ATP9B: variants seen among roughly 807,000 people sequenced by gnomAD.
ATP9B encodes ATPase phospholipid transporting 9B.
Under a neutral mutation model 146.1 loss-of-function variants are expected in ATP9B, and 110 were observed. That is an observed-to-expected ratio of 0.75 (90% CI 0.65 to 0.88). ATP9B has a LOEUF of 0.88. Among genes scored for constraint, ATP9B ranks in the 40% least tolerant of loss-of-function variants. The probability of loss-of-function intolerance (pLI) is 0.00; values close to 1 mark genes in which losing one functional copy is unlikely to be tolerated. For missense variants in ATP9B, 1,499 were observed against 1,496.4 expected, an observed-to-expected ratio of 1.00 and a Z score of -0.03; for synonymous variants, 604 against 569.7, an observed-to-expected ratio of 1.06 and a Z score of -0.86.
At chr18:79,325,868 G>T (rs943564624) in intron 15 of ATP9B, among the ~76,000 whole-genome samples, 3 of 150,906 alleles carry the variant, frequency 2.0e-5, no homozygotes, top group African/African-American at 7.3e-5. Context: ...TGGTGTTAGG[G>T]TGTCATCTCT....
chr18:79,313,020 C>G (rs1026818755), intron 15 of ATP9B, among the ~76,000 whole-genome samples: 1 of 152,176 alleles, frequency 6.6e-6, no homozygotes, highest in African/African-American at 2.4e-5. Flanking sequence ...CTTCCCACTC[C>G]CTGTCAGCGC....
At chr18:79,231,778 G>GTATATATATATATATATATA (rs781387419) in intron 11 of ATP9B, among the ~76,000 whole-genome samples, 1 of 121,296 alleles carries the variant, frequency 8.2e-6, no homozygotes, top group African/African-American at 3.3e-5. Context: ...GTGTGTGTGT[G>GTATATATATATATATATATA]TATATATATA....
intron 3 of ATP9B, among the ~76,000 whole-genome samples, chr18:79,112,891 C>A (rs895212416): frequency 3.9e-5 from 6 of 151,996 alleles, no homozygotes; most frequent in African/African-American, 1.2e-4. Context: ...GTTTTGCTAT[C>A]TAACTTTTTT....
At chr18:79,099,013 A>G (rs2075047815) in intron 2 of ATP9B, among the ~76,000 whole-genome samples, 2 of 152,002 alleles carry the variant, frequency 1.3e-5, no homozygotes, top group East Asian at 3.9e-4. Flanking sequence ...AGGGTGTTTG[A>G]TTCCTGTTTG....
intron 1 of ATP9B, among the ~76,000 whole-genome samples, chr18:79,089,501 C>A (rs1177001386): frequency 6.6e-6 from 1 of 152,120 alleles, no homozygotes; most frequent in African/African-American, 2.4e-5. Flanking sequence ...GTTGGCCAGT[C>A]TTTTTAGGCC....
At chr18:79,312,203 C>T (rs1394196144) in intron 15 of ATP9B, among the ~76,000 whole-genome samples, 3 of 152,228 alleles carry the variant, frequency 2.0e-5, no homozygotes, top group African/African-American at 7.2e-5. Flanking sequence ...CTTCCGGCCA[C>T]ATCAGTAATT....
Position 79,242,346 on chromosome 18 carries a change from C to T in ATP9B, c.1108-11035C>T, listed in dbSNP as rs191052183. On this transcript the variant is annotated intron_variant, in intron 11 of 29. Transcript: ENST00000426216. Reference sequence around the variant, plus strand: ...TAATTTAGAGAACAAGAAGAATATCCTGATTTGAAGTCTAAACTGTCCCCC... The same window carrying T: ...TAATTTAGAGAACAAGAAGAATATCTTGATTTGAAGTCTAAACTGTCCCCC... Among the ~76,000 whole-genome samples the T allele has an allele frequency of 6.6e-5, 10 of 152,206 alleles. No individual in the cohort carries two copies. In the East Asian group the frequency reaches 1.7e-3, roughly 26 times the overall value.
At chr18:79,071,501 C>T (rs1180577318) in intron 1 of ATP9B, among the ~76,000 whole-genome samples, 1 of 145,336 alleles carries the variant, frequency 6.9e-6, no homozygotes, top group African/African-American at 2.5e-5. Flanking sequence ...CCCAGGCAAT[C>T]CACCCATGTA....
intron 15 of ATP9B, among the ~76,000 whole-genome samples, chr18:79,309,812 G>A (rs2096642822): frequency 6.6e-6 from 1 of 152,180 alleles, no homozygotes; most frequent in South Asian, 2.1e-4. Context: ...GTAAATGGGT[G>A]AATAGTGTCT....
At chr18:79,103,481 A>G (rs1269437270) in intron 2 of ATP9B, among the ~76,000 whole-genome samples, 1 of 152,106 alleles carries the variant, frequency 6.6e-6, no homozygotes, top group Non-Finnish European at 1.5e-5. Context: ...ACCTCTGTGA[A>G]GAATAAGGAG....
chr18:79,180,148 T>C (rs752848989), intron 8 of ATP9B, among the ~76,000 whole-genome samples: 6 of 152,240 alleles, frequency 3.9e-5, no homozygotes, highest in Non-Finnish European at 7.3e-5. Context: ...TCTTTTTCTT[T>C]GAATTTAAAG....
At chr18:79,186,969 A>G (rs928075790) in intron 8 of ATP9B, among the ~76,000 whole-genome samples, 1 of 152,178 alleles carries the variant, frequency 6.6e-6, no homozygotes, top group Non-Finnish European at 1.5e-5. Context: ...AGGTGTCCTC[A>G]TGGGTCTGAG....
intron 12 of ATP9B, among the ~76,000 whole-genome samples, chr18:79,276,300 G>A (rs2096308309): frequency 6.6e-6 from 1 of 152,246 alleles, no homozygotes; most frequent in African/African-American, 2.4e-5. Context: ...GCAAGGTTCT[G>A]CAGAATTGTC....
rs772534638 is a variant in ATP9B, at chr18:79,330,123, C to T, written c.2028+19C>T. On this transcript the variant is annotated intron_variant, in intron 17 of 29. Coordinates refer to ENST00000426216, the MANE Select transcript of ATP9B (RefSeq NM_198531.5). ...AGAGGAGGTATGTGAGTGACTCTAG[C>T]GTGGTTCACAGTGTTTCTATGGAAG... is the stretch of plus-strand genomic sequence containing the variant. 31 of 1,605,982 alleles carry T rather than the reference C, an allele frequency of 1.9e-5. No homozygotes were observed. Among genetic ancestry groups the T allele is most frequent in the Middle Eastern group, 1.6e-4 (1 of 6,064 alleles).
chr18:79,169,523 G>A (rs780106543), intron 7 of ATP9B, among the ~76,000 whole-genome samples: 25 of 152,192 alleles, frequency 1.6e-4, no homozygotes, highest in Admixed American at 4.6e-4. Context: ...TTCCCACGGA[G>A]TGTTTTTGGA....
chr18:79,354,230 A>G (rs909695991), intron 25 of ATP9B: 1 of 152,120 alleles, frequency 6.6e-6, no homozygotes, highest in Admixed American at 6.5e-5. Context: ...CCAACTTGAG[A>G]TAACTATGAG....
chr18:79,295,850 G>C (rs1046756948), intron 13 of ATP9B, among the ~76,000 whole-genome samples: 2 of 152,190 alleles, frequency 1.3e-5, no homozygotes. Context: ...CTGCAAGAAG[G>C]CTCCACTATG....
At chr18:79,327,982 C>G (rs503131) in intron 15 of ATP9B, among the ~76,000 whole-genome samples, 1,882 of 9,094 alleles carry the variant, frequency 0.21, 3 homozygotes, top group Middle Eastern at 0.36. Flanking sequence ...CGTGCTCTCT[C>G]TGGTTAGCGT....
chr18:79,135,064 C>G (rs1025707106), intron 5 of ATP9B, among the ~76,000 whole-genome samples: 1 of 152,022 alleles, frequency 6.6e-6, no homozygotes, highest in African/African-American at 2.4e-5. Context: ...GTTTTGAAAC[C>G]ATGTTTAAAG....
Sources: allele counts gnomAD v4.1 joint callset (sites outside exome capture counted in the v4.1 genomes callset), GRCh38; gene constraint gnomAD v4.1.1; transcripts MANE v1.5; gene names NCBI Gene and HGNC (gene_info 2026-07-23, HGNC 2026-07-21).